The following BBS7 variants were observed in gnomAD, a reference collection of about 807,000 sequenced individuals.
The protein encoded by BBS7 is BBSome complex member BBS7.
BBS7 carries 50 observed loss-of-function variants against 90.3 expected under a neutral mutation model. That is an observed-to-expected ratio of 0.55 (90% CI 0.44 to 0.70). The LOEUF is 0.70. BBS7 is among the 30% of genes least tolerant of loss of function. The probability of loss-of-function intolerance (pLI) is 0.00; values close to 1 mark genes in which losing one functional copy is unlikely to be tolerated. For missense variants in BBS7, 729 were observed against 838.9 expected (o/e 0.87, Z 1.62); for synonymous variants, 235 against 287.4 (o/e 0.82, Z 1.85).
At position 121,870,382 on chromosome 4, in the gene BBS7, GC is replaced by G; in HGVS notation, c.-70del. The G allele has an allele frequency of 4.4e-6, 7 of 1,584,052 alleles. No homozygotes were observed. Among genetic ancestry groups the G allele is most frequent in the Admixed American group, 1.7e-5 (1 of 59,488 alleles). On this transcript the variant is annotated 5_prime_UTR_variant, in exon 1 of 19. Transcript: ENST00000264499. ...AGGGACAGAGGCTTCGGGCCCGCAG[GC>G]CTCCGACCCAGTCAGAAGGCTGCCC...
intron 14 of BBS7, 122 bp downstream of exon 14, chr4:121,835,022 A>G: frequency 1.0e-6 from 1 of 965,110 alleles, no homozygotes; most frequent in Non-Finnish European, 1.5e-6. Flanking sequence ...ATAATATTTA[A>G]ACTGTTTATT....
At chr4:121,848,238 C>T (rs1176891015) in intron 9 of BBS7, among the ~76,000 whole-genome samples, 2 of 152,132 alleles carry the variant, frequency 1.3e-5, no homozygotes, top group East Asian at 3.8e-4. Context: ...ATTTTAGTAA[C>T]CCATAGTCAA....
chr4:121,850,756 G>A (rs772565387), intron 8 of BBS7, among the ~76,000 whole-genome samples: 9 of 152,174 alleles, frequency 5.9e-5, no homozygotes, highest in Non-Finnish European at 1.3e-4. Context: ...AAAGGAGGGA[G>A]TGGAAGGAAG....
chr4:121,837,868 G>A (rs1484278423), intron 13 of BBS7, among the ~76,000 whole-genome samples: 2 of 152,112 alleles, frequency 1.3e-5, no homozygotes, highest in African/African-American at 2.4e-5. Flanking sequence ...ACTTTGGGAG[G>A]CCAAGGCAGG....
At chr4:121,835,079 T>C in intron 14 of BBS7, 65 bp downstream of exon 14, 1 of 1,549,126 alleles carries the variant, frequency 6.5e-7, no homozygotes, top group East Asian at 2.3e-5. Flanking sequence ...ACTATAAAAA[T>C]AAAAAACAGG....
chr4:121,843,123 G>A (rs1725826730), intron 12 of BBS7, among the ~76,000 whole-genome samples: 1 of 152,154 alleles, frequency 6.6e-6, no homozygotes. Flanking sequence ...GCATGGGAGG[G>A]GTGGTAGCAG....
At position 121,839,667 on chromosome 4, in the gene BBS7, A is replaced by T. The variant is rs1234317489; in HGVS notation, c.1335T>A (p.Tyr445Ter). The change falls in exon 13 of 19, where the codon TAT becomes TAA. Residue 445 changes from tyrosine to a stop codon, truncating the protein, a stop_gained. Coordinates refer to ENST00000264499, the MANE Select transcript of BBS7 (RefSeq NM_176824.3). LOFTEE classifies it high-confidence loss of function. ...GCCTTGTAGTATCTGCCTGGCACCGATAAGTGGCAAGAAGGAAGTTGTCGT... is the reference window on the plus strand; with the variant it reads ...GCCTTGTAGTATCTGCCTGGCACCGTTAAGTGGCAAGAAGGAAGTTGTCGT... ...ESNDNFLLAT[Y>*]RCQADTTRLE... is the part of the protein sequence containing the mutation. 1 of 1,613,922 alleles carries T rather than the reference A, an allele frequency of 6.2e-7. No homozygotes were observed.
intron 15 of BBS7, 23 bp from the exon 16 acceptor site, chr4:121,828,751 A>T: frequency 7.4e-7 from 1 of 1,348,568 alleles, no homozygotes. Flanking sequence ...TATATTTTTT[A>T]AAAGAATAGC....
At chr4:121,860,571 G>A (rs1022181766) in intron 4 of BBS7, among the ~76,000 whole-genome samples, 2 of 152,100 alleles carry the variant, frequency 1.3e-5, no homozygotes, top group African/African-American at 4.8e-5. Context: ...ATAACTGTCC[G>A]AATGTAGAGT....
At chr4:121,835,042 A>G (rs1274456090) in intron 14 of BBS7, 102 bp downstream of exon 14, 6 of 1,192,684 alleles carry the variant, frequency 5.0e-6, no homozygotes, top group Non-Finnish European at 3.6e-6. Context: ...TTAATTTTTA[A>G]AAGTAGAAAT....
intron 9 of BBS7, among the ~76,000 whole-genome samples, chr4:121,848,524 G>A (rs572497923): frequency 4.2e-4 from 64 of 152,298 alleles, no homozygotes; most frequent in Non-Finnish European, 7.5e-4. Context: ...ATAAGGACCC[G>A]AAAGCACAAG....
At chr4:121,839,566 A>C in intron 13 of BBS7, 65 bp downstream of exon 13, 1 of 1,257,870 alleles carries the variant, frequency 7.9e-7, no homozygotes, top group Non-Finnish European at 1.2e-6. Flanking sequence ...CATATGTTGT[A>C]AGACATACCA....
chr4:121,827,014 T>C (rs1460055443), intron 18 of BBS7, among the ~76,000 whole-genome samples: 1 of 151,972 alleles, frequency 6.6e-6, no homozygotes, highest in African/African-American at 2.4e-5. Flanking sequence ...ACAAAAAATA[T>C]ATATAAAACC....
At chr4:121,839,899 G>C (rs1478456706) in intron 12 of BBS7, among the ~76,000 whole-genome samples, 1 of 152,154 alleles carries the variant, frequency 6.6e-6, no homozygotes, top group African/African-American at 2.4e-5. Context: ...AAGAAACTGA[G>C]GTTATGAGGA....
chr4:121,866,053 T>C (rs1256711268), intron 2 of BBS7, among the ~76,000 whole-genome samples: 1 of 152,222 alleles, frequency 6.6e-6, no homozygotes, highest in African/African-American at 2.4e-5. Flanking sequence ...TTGCCCACTT[T>C]TTAATCAGAT....
At chr4:121,868,802 G>A (rs148624001) in intron 1 of BBS7, among the ~76,000 whole-genome samples, 2,505 of 151,124 alleles carry the variant, frequency 0.017, 35 homozygotes, top group Non-Finnish European at 0.028. Context: ...AAAATACAGA[G>A]GATGAAAGCA....
At position 121,861,639 on chromosome 4, in the gene BBS7, A is replaced by G; in HGVS notation, c.206T>C (p.Leu69Pro). The G allele has an allele frequency of 6.2e-7, 1 of 1,613,864 alleles. No homozygotes were observed. The highest frequency in any genetic ancestry group is 8.5e-7 in the Non-Finnish European group (1 of 1,179,842). ...KTLPGPKIAR[L>P]ELGGVINTPQ... The stretch of plus-strand genomic sequence containing the variant: ...TGTGTTGATAACCCCTCCCAGTTCC[A>G]GCCTTGCAATCTTCGGCCCGGGTAA... Residue 69 changes from leucine to proline, a missense_variant, in exon 4 of 19, where the codon CTG becomes CCG. Transcript: ENST00000264499.
At chr4:121,831,739 A>G (rs944936014) in intron 15 of BBS7, among the ~76,000 whole-genome samples, 10 of 152,180 alleles carry the variant, frequency 6.6e-5, no homozygotes, top group Non-Finnish European at 1.0e-4. Context: ...TTAAAAACCA[A>G]TTAGATTTCT....
chr4:121,851,430 G>A (rs1163126396), intron 8 of BBS7, among the ~76,000 whole-genome samples: 2 of 147,084 alleles, frequency 1.4e-5, no homozygotes, highest in African/African-American at 2.5e-5. Context: ...AAGGAGGGAA[G>A]GAGGGAAGGG....
Sources: allele counts gnomAD v4.1 joint callset (sites outside exome capture counted in the v4.1 genomes callset), GRCh38; gene constraint gnomAD v4.1.1; transcripts MANE v1.5; gene names NCBI Gene and HGNC (gene_info 2026-07-23, HGNC 2026-07-21).